Variants in TCF4 observed in about 807,000 individuals in gnomAD.
TCF4 encodes the protein SL3-3 enhancer factor 2.
A neutral mutation model predicts 82.1 loss-of-function variants in TCF4; 3 were observed. That is an observed-to-expected ratio of 0.04 (90% CI 0.02 to 0.09). TCF4 has a LOEUF of 0.09. Ranked by LOEUF, TCF4 falls within the 10% of genes least tolerant of loss-of-function variation. The pLI is 1.00. For missense variants in TCF4, 518 were observed against 852.7 expected, an observed-to-expected ratio of 0.61 and a Z score of 4.89; for synonymous variants, 276 against 309.6, an observed-to-expected ratio of 0.89 and a Z score of 1.14.
At chr18:55,229,376 C>T (rs991493192) in intron 17 of TCF4, 19 of 445,336 alleles carry the variant, frequency 4.3e-5, no homozygotes, top group African/African-American at 3.6e-4. Flanking sequence ...AAAGGGAAAA[C>T]AAAGCTTTTT....
Position 55,401,371 on chromosome 18 carries a change from G to A in TCF4, c.369+2083C>T, listed in dbSNP as rs930359435. On this transcript the variant is annotated intron_variant, in intron 6 of 19. Coordinates refer to ENST00000354452, the MANE Select transcript of TCF4 (RefSeq NM_001083962.2). ...CTCTTGCAAGACTCACAACCATGAA[G>A]CACAAATTAAGAATGAAGGAATCTC... The A allele has an allele frequency of 3.6e-6, 4 of 1,106,722 alleles. No individual in the cohort carries two copies. The African/African-American group carries it at 4.9e-5, about 14-fold the overall frequency. 68.6% of individuals were successfully genotyped at this position (1,106,722 alleles called of 1,614,324 possible).
chr18:55,254,562 C>A lies in TCF4; in HGVS notation c.1285G>T (p.Ala429Ser). ...HGIIGPSHNG[A>S]MGGLGSGYGT... ...TACCCTGAGCCCAGACCACCCATGG[C>A]TCCATTATGAGAAGGTCCAATGATT... Residue 429 changes from alanine (A) to serine (S), a missense_variant, in exon 15 of 20, where the codon GCC becomes TCC. Physicochemically the swap from Ala to Ser is moderately conservative, Grantham distance 99 (BLOSUM62 1). This residue lies in a region of TCF4 where 144 missense variants were observed against 190.2 expected (regional missense o/e 0.76). Coordinates refer to ENST00000354452, the MANE Select transcript of TCF4 (RefSeq NM_001083962.2). 6.2e-7 allele frequency: 1 copy of A among 1,613,804 alleles called. No homozygotes were observed. Among genetic ancestry groups the A allele is most frequent in the South Asian group, 1.1e-5 (1 of 91,072 alleles).
At chr18:55,284,037 T>C (rs1008792418) in intron 8 of TCF4, among the ~76,000 whole-genome samples, 9 of 152,176 alleles carry the variant, frequency 5.9e-5, no homozygotes, top group African/African-American at 1.9e-4. Context: ...ATAAAACCTA[T>C]TTTAAGCTAT....
chr18:55,562,434 T>C (rs2097363195), intron 3 of TCF4, among the ~76,000 whole-genome samples: 1 of 152,160 alleles, frequency 6.6e-6, no homozygotes, highest in South Asian at 2.1e-4. Flanking sequence ...ACCACGGAAA[T>C]GTATATTTGA....
chr18:55,478,718 GC>G (rs1390672336), intron 3 of TCF4, among the ~76,000 whole-genome samples: 3 of 151,522 alleles, frequency 2.0e-5, no homozygotes, highest in Non-Finnish European at 4.4e-5. Flanking sequence ...TTTGTAAAAG[GC>G]CCCCACTTCC....
chr18:55,339,134 A>C (rs1270139537), intron 8 of TCF4, among the ~76,000 whole-genome samples: 1 of 152,236 alleles, frequency 6.6e-6, no homozygotes, highest in Non-Finnish European at 1.5e-5. Context: ...AGGTGATCAT[A>C]AATATCCCTA....
At chr18:55,516,661 A>T (rs1191800776) in intron 3 of TCF4, among the ~76,000 whole-genome samples, 1 of 152,138 alleles carries the variant, frequency 6.6e-6, no homozygotes, top group Non-Finnish European at 1.5e-5. Flanking sequence ...ATTTGAGTGA[A>T]GAGAGAGATG....
intron 6 of TCF4, among the ~76,000 whole-genome samples, chr18:55,365,727 C>T (rs931854073): frequency 2.6e-5 from 4 of 151,976 alleles, no homozygotes; most frequent in African/African-American, 9.7e-5. Flanking sequence ...TAGTGAAACC[C>T]CATCTCTACT....
chr18:55,470,634 A>T (rs2096154514), intron 3 of TCF4, among the ~76,000 whole-genome samples: 2 of 152,188 alleles, frequency 1.3e-5, no homozygotes, highest in South Asian at 2.1e-4. Flanking sequence ...AAAGTTACCT[A>T]GATTGATTTG....
At chr18:55,319,349 T>A (rs1201973666) in intron 8 of TCF4, among the ~76,000 whole-genome samples, 1 of 152,146 alleles carries the variant, frequency 6.6e-6, no homozygotes, top group Admixed American at 6.5e-5. Context: ...TAAACAAAAA[T>A]CTGCTTCCTC....
intron 5 of TCF4, among the ~76,000 whole-genome samples, chr18:55,427,079 G>C (rs2095021338): frequency 1.3e-5 from 2 of 152,078 alleles, no homozygotes; most frequent in Admixed American, 1.3e-4. Flanking sequence ...GAGAATATAA[G>C]GGGGAAAAAA....
intron 3 of TCF4, among the ~76,000 whole-genome samples, chr18:55,539,590 A>C (rs1318975658): frequency 6.6e-6 from 1 of 152,198 alleles, no homozygotes; most frequent in Admixed American, 6.5e-5. Context: ...ATGAGCTCAC[A>C]ATCAAAAATT....
intron 5 of TCF4, among the ~76,000 whole-genome samples, chr18:55,424,677 A>T (rs1778169231): frequency 6.6e-6 from 1 of 152,222 alleles, no homozygotes; most frequent in Non-Finnish European, 1.5e-5. Flanking sequence ...ATCACACCAC[A>T]TCAGAAAAAA....
chr18:55,533,582 G>A (rs1487154950), intron 3 of TCF4, among the ~76,000 whole-genome samples: 11 of 152,178 alleles, frequency 7.2e-5, no homozygotes, highest in African/African-American at 2.7e-4. Flanking sequence ...TATCTTCAAA[G>A]ATAAGTTTTC....
intron 17 of TCF4, chr18:55,230,520 G>A (rs1033047331): frequency 1.3e-5 from 2 of 152,180 alleles, no homozygotes; most frequent in Non-Finnish European, 2.9e-5. Flanking sequence ...GGGGGCTTAT[G>A]AGAGACACAG....
intron 5 of TCF4, chr18:55,403,874 A>C: frequency 6.8e-7 from 1 of 1,461,182 alleles, no homozygotes; most frequent in Non-Finnish European, 9.0e-7. Context: ...TTATCTATGT[A>C]ATGACCCTAG....
At chr18:55,320,570 G>T (rs1244418609) in intron 8 of TCF4, among the ~76,000 whole-genome samples, 1 of 152,106 alleles carries the variant, frequency 6.6e-6, no homozygotes, top group Non-Finnish European at 1.5e-5. Flanking sequence ...ACACTCACAG[G>T]CATATAGCAG....
At chr18:55,371,731 T>A (rs956229960) in intron 6 of TCF4, among the ~76,000 whole-genome samples, 1 of 152,124 alleles carries the variant, frequency 6.6e-6, no homozygotes, top group Non-Finnish European at 1.5e-5. Flanking sequence ...CTCCCCAGGT[T>A]CCTCTGCACC....
chr18:55,588,804 C>A (rs2097676248), upstream of TCF4, among the ~76,000 whole-genome samples: 1 of 151,896 alleles, frequency 6.6e-6, no homozygotes, highest in African/African-American at 2.4e-5. Flanking sequence ...CTTTCCCCTC[C>A]CTTTTAAGTC....
Sources: gnomAD v4.1 joint callset for allele counts (sites outside exome capture counted in the v4.1 genomes callset) on GRCh38, gnomAD v4.1.1 for gene constraint, gnomAD v4.1.1 regional missense constraint, MANE v1.5 for transcripts, NCBI Gene and HGNC (gene_info 2026-07-23, HGNC 2026-07-21) for gene names.